The following PARD3B variants were observed in gnomAD, a reference collection of about 807,000 sequenced individuals.
PARD3B encodes the protein partitioning defective 3 homolog B.
Under a neutral mutation model 130.2 loss-of-function variants are expected in PARD3B, and 103 were observed. The observed-to-expected ratio is 0.79, with a 90% CI of 0.67 to 0.93. PARD3B has a LOEUF of 0.93. Among genes scored for constraint, PARD3B ranks in the 40% least tolerant of loss-of-function variants. PARD3B has a pLI of 0.00. For synonymous variants in PARD3B, 583 were observed against 553.2 expected (o/e 1.05, Z -0.76); for missense variants, 1,609 against 1,499.2 (o/e 1.07, Z -1.21).
chr2:205,527,123 C>G (rs1486338428), intron 21 of PARD3B, among the ~76,000 whole-genome samples: 3 of 152,094 alleles, frequency 2.0e-5, no homozygotes, highest in African/African-American at 7.2e-5. Flanking sequence ...AAATCAGTTC[C>G]CAGGATAGCA....
At chr2:205,596,741 G>C (rs1559254219) in intron 22 of PARD3B, among the ~76,000 whole-genome samples, 1 of 152,006 alleles carries the variant, frequency 6.6e-6, no homozygotes. Context: ...GGCCAAATAG[G>C]GTACCGTAAT....
intron 18 of PARD3B, among the ~76,000 whole-genome samples, chr2:205,340,104 A>G (rs2043465492): frequency 6.6e-6 from 1 of 152,132 alleles, no homozygotes; most frequent in African/African-American, 2.4e-5. Context: ...CCCCTGTTAA[A>G]TGCTCTCTAA....
At chr2:205,367,383 G>T (rs916608563) in intron 18 of PARD3B, among the ~76,000 whole-genome samples, 2 of 152,072 alleles carry the variant, frequency 1.3e-5, no homozygotes, top group African/African-American at 2.4e-5. Flanking sequence ...GAAGGAAATA[G>T]GTTTAAACTA....
chr2:205,159,682 A>G (rs181776139), intron 11 of PARD3B, among the ~76,000 whole-genome samples: 25 of 152,332 alleles, frequency 1.6e-4, no homozygotes, highest in African/African-American at 5.1e-4. Flanking sequence ...ATGATAGAGG[A>G]AGGATACACG....
At chr2:204,549,824 AG>A (rs1223190149) in intron 1 of PARD3B, among the ~76,000 whole-genome samples, 2 of 152,206 alleles carry the variant, frequency 1.3e-5, no homozygotes, top group Non-Finnish European at 2.9e-5. Flanking sequence ...CTTGCTGTCT[AG>A]GGATTCAAAC....
At position 205,572,189 on chromosome 2, in the gene PARD3B, A is replaced by C. The variant is rs1457648058; in HGVS notation, c.3260+18786A>C. On this transcript the variant is annotated intron_variant, in intron 22 of 22. Transcript: ENST00000406610. This position sits in a 1 kb window ranked among gnomAD's most constrained non-coding sequence, Gnocchi z 4.2. ...TAAAACACAGTTCTTATCTCTAGGG[A>C]TTTTCAGTCTCTGGTACCTTGGGAA... Among the ~76,000 whole-genome samples, 1 of 152,186 alleles carries C rather than the reference A, an allele frequency of 6.6e-6. No homozygotes were observed.
intron 2 of PARD3B, among the ~76,000 whole-genome samples, chr2:204,917,194 G>A (rs752845166): frequency 1.2e-4 from 19 of 152,258 alleles, no homozygotes; most frequent in Non-Finnish European, 2.4e-4. Context: ...GAGTTGGTGG[G>A]TGGGTGGATC....
At position 205,463,717 on chromosome 2, in the gene PARD3B, G is replaced by A. The variant is rs938269428; in HGVS notation, c.3044+23045G>A. The stretch of plus-strand genomic sequence containing the variant: ...TGTTAAAAATTATGTTTATAGGCCA[G>A]TCACTTGCACGCTGAGACTGAAATC... On this transcript the variant is annotated intron_variant, in intron 20 of 22. Transcript: ENST00000406610. This position sits in a 1 kb window ranked among gnomAD's most constrained non-coding sequence, Gnocchi z 4.8. Among the ~76,000 whole-genome samples the A allele has an allele frequency of 6.6e-6, 1 of 152,180 alleles. No individual in the cohort carries two copies. The highest frequency in any genetic ancestry group is 1.9e-4 in the East Asian group (1 of 5,198).
chr2:205,059,946 C>T (rs1405896158), intron 4 of PARD3B, among the ~76,000 whole-genome samples: 1 of 152,048 alleles, frequency 6.6e-6, no homozygotes, highest in African/African-American at 2.4e-5. Context: ...TATTTCATCC[C>T]ATGAACATCT....
chr2:205,291,378 A>G lies in PARD3B; in HGVS notation c.2186-9152A>G, dbSNP rs1398316304. ...TCTTGAATAGAACGTTGGTAGAAATATGGATGGTAAAGGCCATTCTTATGA... is the reference window on the plus strand; with the variant it reads ...TCTTGAATAGAACGTTGGTAGAAATGTGGATGGTAAAGGCCATTCTTATGA... On this transcript the variant is annotated intron_variant, in intron 16 of 22. Transcript: ENST00000406610. This position sits in a 1 kb window ranked among gnomAD's most constrained non-coding sequence, Gnocchi z 4.6. 1.3e-5 allele frequency among the ~76,000 whole-genome samples: 2 copies of G among 152,194 alleles called. No individual in the cohort carries two copies. Among genetic ancestry groups the G allele is most frequent in the African/African-American group, 2.4e-5 (1 of 41,460 alleles).
chr2:205,186,451 T>C (rs1255862879), intron 14 of PARD3B, among the ~76,000 whole-genome samples: 1 of 152,202 alleles, frequency 6.6e-6, no homozygotes, highest in Non-Finnish European at 1.5e-5. Flanking sequence ...TTCATAGATT[T>C]TGTTCTTCTG....
At position 205,193,277 on chromosome 2, in the gene PARD3B, G is replaced by A. The variant is rs369015930; in HGVS notation, c.2097G>A (p.Gln699=). 5.0e-6 allele frequency: 8 copies of A among 1,613,524 alleles called. No individual in the cohort carries two copies. In the African/African-American group the frequency reaches 9.3e-5, roughly 19 times the overall value. The part of the protein sequence containing the change: ...INFRSVTPAR[Q]PESINLKASK... ...TCAGATCTGTGACACCGGCCAGGCAGCCTGAATCAATTAATTTGAAAGCCT... is the reference window on the plus strand; with the variant it reads ...TCAGATCTGTGACACCGGCCAGGCAACCTGAATCAATTAATTTGAAAGCCT... The change falls in exon 15 of 23, where the codon CAG becomes CAA. Residue 699 remains glutamine (Q), a synonymous_variant. Coordinates refer to ENST00000406610, the MANE Select transcript of PARD3B (RefSeq NM_001302769.2).
At chr2:205,062,848 G>A (rs1238971012) in intron 4 of PARD3B, among the ~76,000 whole-genome samples, 1 of 151,892 alleles carries the variant, frequency 6.6e-6, no homozygotes, top group Non-Finnish European at 1.5e-5. Context: ...TTATATCTAT[G>A]TCTGTATAAG....
intron 22 of PARD3B, among the ~76,000 whole-genome samples, chr2:205,606,251 A>G (rs1280918934): frequency 6.6e-6 from 1 of 152,076 alleles, no homozygotes; most frequent in Non-Finnish European, 1.5e-5. Context: ...GCATGGGCTC[A>G]CGAGTGGGAT....
At chr2:204,886,436 A>G (rs2046273210) in intron 2 of PARD3B, among the ~76,000 whole-genome samples, 1 of 152,170 alleles carries the variant, frequency 6.6e-6, no homozygotes, top group South Asian at 2.1e-4. Flanking sequence ...AGGAGATCTC[A>G]TTTAGTAAAT....
chr2:204,574,969 A>G (rs1395041996), intron 1 of PARD3B, among the ~76,000 whole-genome samples: 7 of 151,930 alleles, frequency 4.6e-5, no homozygotes, highest in Non-Finnish European at 8.8e-5. Context: ...CCAGTTCTCT[A>G]CTCTTCAGAT....
chr2:204,902,493 C>A (rs747186026), intron 2 of PARD3B, among the ~76,000 whole-genome samples: 17 of 151,926 alleles, frequency 1.1e-4, no homozygotes, highest in Non-Finnish European at 1.8e-4. Context: ...CACGGTGAGA[C>A]CCCGTCTCTG....
intron 22 of PARD3B, among the ~76,000 whole-genome samples, chr2:205,583,451 TG>T (rs2054078481): frequency 6.6e-6 from 1 of 152,048 alleles, no homozygotes; most frequent in African/African-American, 2.4e-5. Context: ...CATACTACTC[TG>T]GATTGCCTTG....
intron 2 of PARD3B, among the ~76,000 whole-genome samples, chr2:204,745,181 G>T (rs1457659304): frequency 6.6e-6 from 1 of 152,080 alleles, no homozygotes; most frequent in Non-Finnish European, 1.5e-5. Context: ...TCCTGTTCTG[G>T]TGATGCCAGG....
Sources: gnomAD v4.1 joint callset for allele counts (sites outside exome capture counted in the v4.1 genomes callset) on GRCh38, gnomAD v4.1.1 for gene constraint, Gnocchi (gnomAD v3.1) non-coding constraint, MANE v1.5 for transcripts, NCBI Gene and HGNC (gene_info 2026-07-23, HGNC 2026-07-21) for gene names.